Variants in SLC10A1 observed in about 807,000 individuals in gnomAD.
SLC10A1 encodes solute carrier family 10 member 1, also known as hepatic sodium/bile acid cotransporter.
A neutral mutation model predicts 20.5 loss-of-function variants in SLC10A1; 36 were observed. The observed-to-expected ratio is 1.75, with a 90% confidence interval of 1.34 to 2.32. The LOEUF is 2.32. Among genes scored for constraint, SLC10A1 ranks in the 30% most tolerant of loss-of-function variants. The probability of loss-of-function intolerance (pLI) is 0.00; values close to 1 mark genes in which losing one functional copy is unlikely to be tolerated. For missense variants in SLC10A1, 545 were observed against 439.1 expected (o/e 1.24, Z -2.16); for synonymous variants, 188 against 163.6 (o/e 1.15, Z -1.14).
chr14:69,787,925 T>C (rs911727745), intron 1 of SLC10A1, among the ~76,000 whole-genome samples: 3 of 151,882 alleles, frequency 2.0e-5, no homozygotes, highest in Non-Finnish European at 4.4e-5. Context: ...CCAGGTGTGG[T>C]GGTGTGCACC....
At chr14:69,792,445 C>T (rs1003298337) in intron 1 of SLC10A1, among the ~76,000 whole-genome samples, 5 of 152,144 alleles carry the variant, frequency 3.3e-5, no homozygotes, top group African/African-American at 4.8e-5. Context: ...CCAACGCACA[C>T]GTGGAAATGT....
chr14:69,781,868 G>GC (rs1278181760), intron 2 of SLC10A1, among the ~76,000 whole-genome samples: 4 of 152,210 alleles, frequency 2.6e-5, no homozygotes, highest in Non-Finnish European at 1.5e-5. Flanking sequence ...ACCAGCGAAT[G>GC]CAACTGGTTG....
intron 1 of SLC10A1, among the ~76,000 whole-genome samples, chr14:69,788,544 ACT>A (rs1281971102): frequency 6.7e-6 from 1 of 148,920 alleles, no homozygotes; most frequent in African/African-American, 2.6e-5. Context: ...TATATGAAGA[ACT>A]CTTTTTTTTT....
chr14:69,779,460 A>G lies in SLC10A1; in HGVS notation c.568-100T>C, dbSNP rs1003288367. On this transcript the variant is annotated intron_variant, in intron 2 of 4. Coordinates refer to ENST00000216540, the MANE Select transcript of SLC10A1 (RefSeq NM_003049.4). ...GAAATTGGAGGTGGGAAACATTGCAATAAAACACTGGAAGTGGAAAGGAAT... is the reference window on the plus strand; with the variant it reads ...GAAATTGGAGGTGGGAAACATTGCAGTAAAACACTGGAAGTGGAAAGGAAT... The G allele has an allele frequency of 2.8e-5, 23 of 829,518 alleles. No individual in the cohort carries two copies. The East Asian group carries it at 2.9e-4, about 10-fold the overall frequency. The allele number at this position is 829,518 out of a possible 1,614,324, so 51.4% of individuals were successfully genotyped here. A position where few individuals can be genotyped will look rare whatever the true frequency, so the allele number is the denominator to read the frequency against.
intron 2 of SLC10A1, among the ~76,000 whole-genome samples, chr14:69,785,759 G>A (rs1213848835): frequency 2.1e-5 from 3 of 143,904 alleles, no homozygotes; most frequent in Non-Finnish European, 4.6e-5. Flanking sequence ...TACCATGCCC[G>A]GCTAATTTTT....
intron 2 of SLC10A1, among the ~76,000 whole-genome samples, chr14:69,784,788 G>A (rs779016081): frequency 1.3e-5 from 2 of 151,936 alleles, no homozygotes; most frequent in Non-Finnish European, 2.9e-5. Flanking sequence ...GAGTACAAGG[G>A]TAGAGAGAAT....
At chr14:69,778,289 A>G (rs780171633) in intron 4 of SLC10A1, 44 bp downstream of exon 4, 2 of 1,497,692 alleles carry the variant, frequency 1.3e-6, no homozygotes, top group African/African-American at 1.4e-5. Context: ...GCTCAGGTCT[A>G]ATATTGGAGC....
chr14:69,781,145 A>AG (rs780949061), intron 2 of SLC10A1, among the ~76,000 whole-genome samples: 22 of 152,294 alleles, frequency 1.4e-4, no homozygotes, highest in Non-Finnish European at 2.8e-4. Context: ...CTGGCATATA[A>AG]GAACCGCTCA....
intron 2 of SLC10A1, among the ~76,000 whole-genome samples, chr14:69,784,466 G>C (rs1434171324): frequency 6.6e-6 from 1 of 152,122 alleles, no homozygotes; most frequent in Non-Finnish European, 1.5e-5. Context: ...ACTCATGAGA[G>C]AGCTCTGGCG....
In SLC10A1 at chr14:69,796,978, CT is replaced by C; in HGVS notation, c.177del (p.Leu61TrpfsTer25). On this transcript the variant is annotated frameshift_variant, in exon 1 of 5. Transcript: ENST00000216540. LOFTEE classifies it high-confidence loss of function. Reference protein sequence around the residue: ...SKIKAHLWKPKGLAIALVAQY... With the variant: ...SKIKAHLWKPXGLAIALVAQY... The stretch of plus-strand genomic sequence containing the variant: ...TGTGCCACCAGGGCGATGGCCAGCC[CT>C]TTAGGCTTCCATAAGTGAGCCTTGA... The C allele has an allele frequency of 1.9e-6, 3 of 1,614,244 alleles. No individual in the cohort carries two copies. The highest frequency in any genetic ancestry group is 2.5e-6 in the Non-Finnish European group (3 of 1,180,044).
chr14:69,791,089 C>A (rs1056406248), intron 1 of SLC10A1, among the ~76,000 whole-genome samples: 10 of 151,644 alleles, frequency 6.6e-5, no homozygotes, highest in African/African-American at 2.4e-4. Context: ...AATTACAAAC[C>A]TTTATAGAAA....
chr14:69,780,205 C>G (rs1883558168), intron 2 of SLC10A1, among the ~76,000 whole-genome samples: 1 of 152,196 alleles, frequency 6.6e-6, no homozygotes, highest in African/African-American at 2.4e-5. Flanking sequence ...CAGGTCTACT[C>G]TGAATGAAAT....
intron 2 of SLC10A1, among the ~76,000 whole-genome samples, chr14:69,785,422 C>T (rs886995753): frequency 2.0e-5 from 3 of 152,174 alleles, no homozygotes; most frequent in African/African-American, 7.2e-5. Context: ...GAACTCTATT[C>T]AGGCTTCTCC....
chr14:69,797,068 T>G lies in SLC10A1; in HGVS notation c.88A>C (p.Ile30Leu). 6.2e-7 allele frequency: 1 copy of G among 1,614,140 alleles called. No individual in the cohort carries two copies. Among genetic ancestry groups the G allele is most frequent in the South Asian group, 1.1e-5 (1 of 91,080 alleles). The change falls in exon 1 of 5, where the codon ATC (isoleucine) becomes CTC (leucine). Residue 30 changes from isoleucine (I) to leucine (L), a missense_variant. Physicochemically the swap from Ile to Leu is conservative, Grantham distance 5 (BLOSUM62 2). Coordinates refer to ENST00000216540, the MANE Select transcript of SLC10A1 (RefSeq NM_003049.4). ...ATGAAGAACAACATGAACACCAGGA[T>G]GACGCTCAGTGCCAGGTCTGTGGGG... ...KRPTDLALSVILVFMLFFIML... is the reference protein window; with the variant it reads ...KRPTDLALSVLLVFMLFFIML...
In SLC10A1 at chr14:69,777,609, A is replaced by ATTTTT. The variant is rs1209960018; in HGVS notation, c.943+723_943+724insAAAAA. On this transcript the variant is annotated intron_variant, in intron 4 of 4. Transcript: ENST00000216540. ...TTTTTTTTTTTTTTTTTTTTTTAAA[A>ATTTTT]TTGGTGTTAAAGTGCACTTTGAGGA... 3.1e-4 allele frequency among the ~76,000 whole-genome samples: 25 copies of ATTTTT among 79,660 alleles called. 1 individual carries two copies. The highest frequency in any genetic ancestry group is 1.0e-3 in the East Asian group (3 of 2,968). The allele number at this position is 79,660 out of a possible 152,430, so 52.3% of individuals were successfully genotyped here. A position where few individuals can be genotyped will look rare whatever the true frequency, so the allele number is the denominator to read the frequency against.
At chr14:69,782,680 C>T (rs988526598) in intron 2 of SLC10A1, among the ~76,000 whole-genome samples, 3 of 151,876 alleles carry the variant, frequency 2.0e-5, no homozygotes, top group South Asian at 2.1e-4. Flanking sequence ...TGGTGGCGGG[C>T]GCCTGTAGTC....
chr14:69,783,963 A>G (rs1883655748), intron 2 of SLC10A1, among the ~76,000 whole-genome samples: 1 of 152,160 alleles, frequency 6.6e-6, no homozygotes, highest in African/African-American at 2.4e-5. Context: ...TGACTTTAAC[A>G]TATATTGAGT....
At chr14:69,794,652 T>TAGATGACC (rs1207762244) in intron 1 of SLC10A1, among the ~76,000 whole-genome samples, 1 of 152,222 alleles carries the variant, frequency 6.6e-6, no homozygotes, top group African/African-American at 2.4e-5. Flanking sequence ...CACATGAAGG[T>TAGATGACC]AGATGACCAG....
chr14:69,777,609 A>ATTTTTTTTTTTTTT (rs1209960018), intron 4 of SLC10A1, among the ~76,000 whole-genome samples: 1 of 79,638 alleles, frequency 1.3e-5, no homozygotes, highest in African/African-American at 4.1e-5. Flanking sequence ...TTTTTTTAAA[A>ATTTTTTTTTTTTTT]TTGGTGTTAA....
Sources: allele counts gnomAD v4.1 joint callset (sites outside exome capture counted in the v4.1 genomes callset), GRCh38; gene constraint gnomAD v4.1.1; transcripts MANE v1.5; gene names NCBI Gene and HGNC (gene_info 2026-07-23, HGNC 2026-07-21).